Variants in HRH4 observed in about 807,000 individuals in gnomAD.
HRH4 encodes the protein histamine H4 receptor.
A neutral mutation model predicts 10.4 loss-of-function variants in HRH4; 12 were observed. The ratio of observed to expected loss-of-function variants is 1.15; its 90% CI spans 0.74 to 1.87. HRH4 has a LOEUF of 1.87. Among genes scored for constraint, HRH4 ranks in the 40% most tolerant of loss-of-function variants. The pLI, the probability that HRH4 is intolerant of heterozygous loss-of-function variation, is 0.00. For missense variants in HRH4, 415 were observed against 453.3 expected, an observed-to-expected ratio of 0.92 and a Z score of 0.77; for synonymous variants, 154 against 166.6, an observed-to-expected ratio of 0.92 and a Z score of 0.58.
intron 2 of HRH4, among the ~76,000 whole-genome samples, chr18:24,471,170 A>G (rs1274983937): frequency 6.6e-6 from 1 of 151,936 alleles, no homozygotes; most frequent in African/African-American, 2.4e-5. Context: ...GTATGCGGAG[A>G]GTGCAGATCA....
At chr18:24,468,301 C>A (rs945338183) in intron 1 of HRH4, among the ~76,000 whole-genome samples, 8 of 152,192 alleles carry the variant, frequency 5.3e-5, no homozygotes, top group Non-Finnish European at 1.2e-4. Flanking sequence ...CTTGGTCTCT[C>A]AAAGTGCTGG....
intron 1 of HRH4, among the ~76,000 whole-genome samples, chr18:24,463,787 A>T (rs1047154543): frequency 6.6e-6 from 1 of 152,236 alleles, no homozygotes; most frequent in East Asian, 1.9e-4. Context: ...TTGAGAGCAA[A>T]GATTTATTGA....
chr18:24,463,883 T>C (rs760353169), intron 1 of HRH4, among the ~76,000 whole-genome samples: 1 of 152,234 alleles, frequency 6.6e-6, no homozygotes, highest in Non-Finnish European at 1.5e-5. Context: ...TATCTATATC[T>C]ACATCAATAT....
Position 24,476,880 on chromosome 18 carries a change from G to C in HRH4, c.491G>C (p.Cys164Ser). 1.2e-6 allele frequency: 2 copies of C among 1,614,196 alleles called. No individual in the cohort carries two copies. The change falls in exon 3 of 3, where the codon TGT becomes TCT. Residue 164 changes from cysteine (C) to serine (S), a missense_variant. By Grantham distance (112) the Cys-to-Ser change is moderately radical. Transcript: ENST00000256906. ...SESWKDEGSE[C>S]EPGFFSEWYI... ...TCTTGGAAGGATGAAGGTAGTGAAT[G>C]TGAACCTGGATTTTTTTCGGAATGG...
chr18:24,472,418 G>A (rs1909995842), intron 2 of HRH4, among the ~76,000 whole-genome samples: 1 of 152,122 alleles, frequency 6.6e-6, no homozygotes, highest in Non-Finnish European at 1.5e-5. Context: ...ACTTGGTGAG[G>A]GATGGGTTGG....
intron 1 of HRH4, among the ~76,000 whole-genome samples, chr18:24,463,272 T>G (rs1187574220): frequency 6.6e-6 from 1 of 152,200 alleles, no homozygotes; most frequent in Non-Finnish European, 1.5e-5. Flanking sequence ...TAATTTCTTT[T>G]GCTCCTGATT....
Position 24,460,701 on chromosome 18 carries a change from A to G in HRH4, c.-28A>G. The G allele has an allele frequency of 1.4e-6, 2 of 1,440,342 alleles. No homozygotes were observed. The highest frequency in any genetic ancestry group is 1.5e-5 in the South Asian group (1 of 64,716). The allele number at this position is 1,440,342 out of a possible 1,614,324, so 89.2% of individuals were successfully genotyped here. ...AATTGTCTGGCTGGATTAATTTGCT[A>G]ATTTGACCTTCTTCATCATTTGATG... On this transcript the variant is annotated 5_prime_UTR_variant, in exon 1 of 3. Coordinates refer to ENST00000256906, the MANE Select transcript of HRH4 (RefSeq NM_021624.4).
Position 24,477,685 on chromosome 18 carries a change from C to A in HRH4, c.*123C>A. On this transcript the variant is annotated 3_prime_UTR_variant, in exon 3 of 3. Coordinates refer to ENST00000256906, the MANE Select transcript of HRH4 (RefSeq NM_021624.4). ...GCACTTTGAAGTCAATGGTAAATTA[C>A]TCCAGTGAATAATAGCAGTATAATA... The A allele has an allele frequency of 8.0e-6, 5 of 622,258 alleles. No individual in the cohort carries two copies. In the South Asian group the frequency reaches 9.5e-5, roughly 12 times the overall value. 38.5% of individuals were successfully genotyped at this position (622,258 alleles called of 1,614,324 possible). A position where few individuals can be genotyped will look rare whatever the true frequency, so the allele number is the denominator to read the frequency against.
chr18:24,466,536 T>G lies in HRH4; in HGVS notation c.194-2252T>G, dbSNP rs1258451215. Reference sequence around the variant, plus strand: ...ATTGAAACATGAAACAAACAGGTTATTTAAACTACATATAAGAACTGACCA... The same window carrying G: ...ATTGAAACATGAAACAAACAGGTTAGTTAAACTACATATAAGAACTGACCA... On this transcript the variant is annotated intron_variant, in intron 1 of 2. Coordinates refer to ENST00000256906, the MANE Select transcript of HRH4 (RefSeq NM_021624.4). Among the ~76,000 whole-genome samples, 5 of 152,278 alleles carry G rather than the reference T, an allele frequency of 3.3e-5. No individual in the cohort carries two copies. In the South Asian group the frequency reaches 1.0e-3, roughly 32 times the overall value.
chr18:24,461,650 A>G (rs1336990627), intron 1 of HRH4, among the ~76,000 whole-genome samples: 2 of 152,160 alleles, frequency 1.3e-5, no homozygotes, highest in Admixed American at 6.6e-5. Context: ...GCATATTCAG[A>G]TTATTTTTGT....
intron 2 of HRH4, among the ~76,000 whole-genome samples, chr18:24,470,501 A>ATTTTT (rs200257355): frequency 6.2e-5 from 8 of 129,918 alleles, no homozygotes; most frequent in Admixed American, 1.6e-4. Flanking sequence ...TTGTTTCTCT[A>ATTTTT]TTTTTTTTTT....
intron 2 of HRH4, among the ~76,000 whole-genome samples, chr18:24,473,919 T>A (rs2144380617): frequency 6.6e-6 from 1 of 152,208 alleles, no homozygotes; most frequent in East Asian, 1.9e-4. Flanking sequence ...TATTCTGTAG[T>A]GGGCAAGAGC....
At position 24,479,705 on chromosome 18, in the gene HRH4, C is replaced by T. The variant is rs139258773; in HGVS notation, c.*2143C>T. 13 of 152,244 alleles carry T rather than the reference C, an allele frequency of 8.5e-5. No homozygotes were observed. The highest frequency in any genetic ancestry group is 5.8e-4 in the East Asian group (3 of 5,190). 9.4% of individuals were successfully genotyped at this position (152,244 alleles called of 1,614,324 possible). ...TTTCTCATAGTTAATTTCATCTCTC[C>T]GGTAAGATTTTATTGGTGTTTCTTT... On this transcript the variant is annotated 3_prime_UTR_variant, in exon 3 of 3. Transcript: ENST00000256906.
intron 1 of HRH4, 119 bp from the exon 2 acceptor site, chr18:24,468,669 A>T: frequency 1.0e-6 from 1 of 952,840 alleles, no homozygotes; most frequent in Non-Finnish European, 1.5e-6. Flanking sequence ...TTTCTAAATT[A>T]GAGACAAATC....
rs756749323 is a variant in HRH4, at chr18:24,477,512, A to G, written c.1123A>G (p.Ile375Val). 4.4e-6 allele frequency: 7 copies of G among 1,606,200 alleles called. No individual in the cohort carries two copies. The highest frequency in any genetic ancestry group is 1.3e-5 in the African/African-American group (1 of 74,428). The change falls in exon 3 of 3, where the codon ATA becomes GTA. Residue 375 changes from isoleucine (I) to valine (V), a missense_variant. Physicochemically the swap from Ile to Val is conservative, Grantham distance 29. Coordinates refer to ENST00000256906, the MANE Select transcript of HRH4 (RefSeq NM_021624.4). ...AAAGGCTTTCTTGAAAATATTTTGT[A>G]TAAAAAAGCAACCTCTACCATCACA... ...FQKAFLKIFC[I>V]KKQPLPSQHS...
intron 2 of HRH4, among the ~76,000 whole-genome samples, chr18:24,471,046 G>A (rs556977915): frequency 7.3e-5 from 11 of 151,502 alleles, no homozygotes; most frequent in African/African-American, 1.5e-4. Flanking sequence ...AACTCTAGTC[G>A]AGCCACCACA....
chr18:24,468,261 C>T (rs974025952), intron 1 of HRH4, among the ~76,000 whole-genome samples: 8 of 152,058 alleles, frequency 5.3e-5, no homozygotes, highest in African/African-American at 9.7e-5. Context: ...AGGCTAGTTA[C>T]GAACTCCTGT....
At chr18:24,467,789 C>A (rs938128300) in intron 1 of HRH4, among the ~76,000 whole-genome samples, 1 of 152,196 alleles carries the variant, frequency 6.6e-6, no homozygotes. Flanking sequence ...GTTGATCCAC[C>A]TGCCTCGGCC....
chr18:24,466,745 G>A (rs1909787430), intron 1 of HRH4, among the ~76,000 whole-genome samples: 3 of 152,002 alleles, frequency 2.0e-5, no homozygotes, highest in Middle Eastern at 6.8e-3. Flanking sequence ...AGACTAATTT[G>A]GTTCTCATGA....
Sources: gnomAD v4.1 joint callset for allele counts (sites outside exome capture counted in the v4.1 genomes callset) on GRCh38, gnomAD v4.1.1 for gene constraint, MANE v1.5 for transcripts, NCBI Gene and HGNC (gene_info 2026-07-23, HGNC 2026-07-21) for gene names.